Variants in KDM5B observed in about 807,000 individuals in gnomAD.
KDM5B encodes lysine-specific demethylase 5B.
In KDM5B, 144 loss-of-function variants were observed where a neutral mutation model predicts 193.4. The observed-to-expected ratio is 0.74, with a 90% CI of 0.65 to 0.86. The LOEUF is 0.86. Among genes scored for constraint, KDM5B ranks in the 40% least tolerant of loss-of-function variants. The pLI, the probability that KDM5B is intolerant of heterozygous loss-of-function variation, is 0.00. For missense variants in KDM5B, 1,833 were observed against 1,886.9 expected (o/e 0.97, Z 0.53); for synonymous variants, 668 against 682.6 (o/e 0.98, Z 0.33).
At chr1:202,776,820 A>C (rs528077116) in intron 2 of KDM5B, among the ~76,000 whole-genome samples, 197 bp downstream of exon 2, 3 of 152,252 alleles carry the variant, frequency 2.0e-5, no homozygotes, top group Admixed American at 6.5e-5. Context: ...TGAGATTACA[A>C]GTGTGAGCCA....
At chr1:202,807,490 G>A (rs992686758) in intron 1 of KDM5B, among the ~76,000 whole-genome samples, 4 of 151,950 alleles carry the variant, frequency 2.6e-5, no homozygotes, top group East Asian at 2.0e-4. Flanking sequence ...ACACCTGGAG[G>A]CCCGGGGACC....
Position 202,760,575 on chromosome 1 carries a change from T to C in KDM5B, c.919-2A>G. On this transcript the variant is annotated splice_acceptor_variant, in intron 7 of 26. Coordinates refer to ENST00000367265, the MANE Select transcript of KDM5B (RefSeq NM_006618.5). LOFTEE classifies it high-confidence loss of function. ...TAAAAGACAGACATACAGGTCCACC[T>C]GTAGCAATAAAAGTGGGTACAGAAC... 1 of 1,603,376 alleles carries C rather than the reference T, an allele frequency of 6.2e-7. No individual in the cohort carries two copies. Among genetic ancestry groups the C allele is most frequent in the East Asian group, 2.2e-5 (1 of 44,586 alleles).
Position 202,808,193 on chromosome 1 carries a change from C to T in KDM5B, c.113G>A (p.Ser38Asn). The T allele has an allele frequency of 6.2e-7, 1 of 1,613,144 alleles. No individual in the cohort carries two copies. Among genetic ancestry groups the T allele is most frequent in the Non-Finnish European group, 8.5e-7 (1 of 1,179,586 alleles). ...PPPECPVFEPSWEEFADPFAF... is the reference protein window; with the variant it reads ...PPPECPVFEPNWEEFADPFAF... ...GAAGGGGTCCGCGAACTCTTCCCAG[C>T]TGGGTTCGAAGACCGGGCACTCGGG... Residue 38 changes from serine to asparagine, a missense_variant, in exon 1 of 27, where the codon AGC (serine) becomes AAC (asparagine). Ser to Asn is a conservative substitution (Grantham distance 46). Around this residue, in one of 3 missense-constraint regions of KDM5B, gnomAD observed 355 missense variants for 374.9 expected, o/e 0.95. Coordinates refer to ENST00000367265, the MANE Select transcript of KDM5B (RefSeq NM_006618.5).
Position 202,767,040 on chromosome 1 carries a change from C to A in KDM5B, c.597G>T (p.Leu199=). Residue 199 remains leucine, a synonymous_variant, in exon 5 of 27, where the codon CTG becomes CTT. Coordinates refer to ENST00000367265, the MANE Select transcript of KDM5B (RefSeq NM_006618.5). ...DSLRCLQKPN[L]TTDTKDKEYK... is the part of the protein sequence containing the mutation. The stretch of plus-strand genomic sequence containing the variant: ...ACTCCTTGTCCTTAGTGTCTGTGGT[C>A]AGGTTTGGCTTCTGCAAACACTAGA... The A allele has an allele frequency of 1.2e-6, 2 of 1,609,164 alleles. No individual in the cohort carries two copies. The highest frequency in any genetic ancestry group is 2.2e-5 in the South Asian group (2 of 89,968).
intron 18 of KDM5B, among the ~76,000 whole-genome samples, chr1:202,741,961 C>T (rs1461082055): frequency 1.3e-5 from 2 of 151,474 alleles, no homozygotes; most frequent in South Asian, 2.1e-4. Flanking sequence ...CTGCAACCTC[C>T]GCCTCTTGGG....
chr1:202,776,556 A>AAT (rs567561758), intron 2 of KDM5B, among the ~76,000 whole-genome samples: 1,653 of 151,092 alleles, frequency 0.011, 24 homozygotes, highest in African/African-American at 0.03. Context: ...CACATATGTA[A>AAT]ATATATATAT....
At chr1:202,788,319 A>G (rs369140181) in intron 1 of KDM5B, among the ~76,000 whole-genome samples, 14 of 152,210 alleles carry the variant, frequency 9.2e-5, no homozygotes, top group Non-Finnish European at 1.8e-4. Context: ...TTGTATTATA[A>G]CTTTTACAGA....
Position 202,742,702 on chromosome 1 carries a change from C to T in KDM5B, c.2427G>A (p.Lys809=). The T allele has an allele frequency of 6.2e-7, 1 of 1,614,242 alleles. No individual in the cohort carries two copies. The highest frequency in any genetic ancestry group is 8.5e-7 in the Non-Finnish European group (1 of 1,180,048). The change falls in exon 17 of 27, where the codon AAG becomes AAA. Residue 809 remains lysine, a synonymous_variant. Transcript: ENST00000367265. ...GCAACTGCTGCGCAACAGAGGCACACTTCTCTGCATCCTGTGTGACTAGGC... is the reference window on the plus strand; with the variant it reads ...GCAACTGCTGCGCAACAGAGGCACATTTCTCTGCATCCTGTGTGACTAGGC... The part of the protein sequence containing the change: ...HLRLVTQDAE[K]CASVAQQLLN...
At chr1:202,803,403 C>G (rs1037020495) in intron 1 of KDM5B, among the ~76,000 whole-genome samples, 1 of 152,128 alleles carries the variant, frequency 6.6e-6, no homozygotes, top group African/African-American at 2.4e-5. Flanking sequence ...TATTAGTTCA[C>G]TAAGAATTAC....
chr1:202,745,114 G>A (rs984228473), intron 16 of KDM5B, among the ~76,000 whole-genome samples: 2 of 152,082 alleles, frequency 1.3e-5, no homozygotes, highest in Non-Finnish European at 2.9e-5. Context: ...ACACATGGAT[G>A]CATACAGGGG....
chr1:202,746,382 G>C, intron 14 of KDM5B, 59 bp from the exon 15 acceptor site: 26 of 992,216 alleles, frequency 2.6e-5, no homozygotes, highest in Non-Finnish European at 3.4e-5. Context: ...ACCAGCCCAA[G>C]ACAAACATGC....
chr1:202,750,837 G>A, intron 12 of KDM5B, 59 bp from the exon 13 acceptor site: 2 of 1,527,246 alleles, frequency 1.3e-6, no homozygotes, highest in Non-Finnish European at 1.8e-6. Context: ...TGTTACTAAA[G>A]ACAATCTGGA....
intron 1 of KDM5B, among the ~76,000 whole-genome samples, chr1:202,801,296 G>A (rs531263490): frequency 6.6e-6 from 1 of 152,180 alleles, no homozygotes; most frequent in East Asian, 1.9e-4. Flanking sequence ...CAGCACATAT[G>A]GGATGACTCT....
At chr1:202,771,398 AT>A (rs35164548) in intron 4 of KDM5B, among the ~76,000 whole-genome samples, 51 of 139,750 alleles carry the variant, frequency 3.6e-4, no homozygotes, top group African/African-American at 6.3e-4. Flanking sequence ...CATCCAGCTA[AT>A]TTTTTTTTTT....
chr1:202,736,344 G>A lies in KDM5B; in HGVS notation c.3133C>T (p.Arg1045Ter), dbSNP rs754431955. 11 of 1,611,350 alleles carry A rather than the reference G, an allele frequency of 6.8e-6. No homozygotes were observed. The highest frequency in any genetic ancestry group is 3.4e-5 in the Admixed American group (2 of 59,554). ...VLDTLIELVT[R>*]GRSIPVHLNS... ...AGATGTACGGGGATAGATCGGCCTC[G>A]TGTAACAAGTTCTATGAGTGTGTCT... Residue 1045 changes from arginine to a stop codon, truncating the protein, a stop_gained, in exon 21 of 27, where the codon CGA becomes TGA. Coordinates refer to ENST00000367265, the MANE Select transcript of KDM5B (RefSeq NM_006618.5). LOFTEE classifies it high-confidence loss of function.
chr1:202,735,363 AAC>A, intron 22 of KDM5B, 64 bp downstream of exon 22: 1 of 1,513,544 alleles, frequency 6.6e-7, no homozygotes, highest in Non-Finnish European at 8.9e-7. Flanking sequence ...ATTCCTATAA[AAC>A]AGAAAGGGTT....
intron 16 of KDM5B, among the ~76,000 whole-genome samples, chr1:202,743,915 G>T (rs1655449764): frequency 6.6e-6 from 1 of 152,154 alleles, no homozygotes; most frequent in Non-Finnish European, 1.5e-5. Context: ...GGCAATACCT[G>T]TCAGGACATA....
chr1:202,740,782 C>G lies in KDM5B; in HGVS notation c.2976G>C (p.Thr992=), dbSNP rs541148080. The G allele has an allele frequency of 2.5e-5, 40 of 1,612,510 alleles. No homozygotes were observed. In the Admixed American group the frequency reaches 6.7e-4, roughly 27 times the overall value. ...RPRHSLNSLA[T]AVKEIEEIPA... Reference sequence around the variant, plus strand: ...GGATCTCTTCGATTTCCTTTACTGCCGTAGCAAGGCTATTCAATGAATGTC... The same window carrying G: ...GGATCTCTTCGATTTCCTTTACTGCGGTAGCAAGGCTATTCAATGAATGTC... The change falls in exon 20 of 27, where the codon ACG becomes ACC. Residue 992 remains threonine, a synonymous_variant. Transcript: ENST00000367265.
intron 2 of KDM5B, among the ~76,000 whole-genome samples, chr1:202,775,150 T>C (rs971093290): frequency 2.0e-5 from 3 of 151,500 alleles, no homozygotes; most frequent in Admixed American, 6.6e-5. Flanking sequence ...GGCAGGAGAA[T>C]TGCTTGAACT....
Sources: allele counts gnomAD v4.1 joint callset (sites outside exome capture counted in the v4.1 genomes callset), GRCh38; gene constraint gnomAD v4.1.1; regional missense constraint gnomAD v4.1.1; transcripts MANE v1.5; gene names NCBI Gene and HGNC (gene_info 2026-07-23, HGNC 2026-07-21).